The following C11orf65 variants were observed in gnomAD, a reference collection of about 807,000 sequenced individuals.
C11orf65 encodes the protein protein MFI.
A neutral mutation model predicts 35.3 loss-of-function variants in C11orf65; 38 were observed. The observed-to-expected ratio is 1.08, with a 90% confidence interval of 0.83 to 1.41. The LOEUF (loss-of-function observed/expected upper bound fraction) is 1.41. C11orf65 is among the 40% of genes most tolerant of loss of function. The pLI, the probability that C11orf65 is intolerant of heterozygous loss-of-function variation, is 0.00. For missense variants in C11orf65, 370 were observed against 367.1 expected (o/e 1.01, Z -0.06); for synonymous variants, 105 against 114.4 (o/e 0.92, Z 0.53).
At chr11:108,359,176 A>G (rs1202938865) in intron 2 of C11orf65, among the ~76,000 whole-genome samples, 3 of 151,452 alleles carry the variant, frequency 2.0e-5, no homozygotes, top group East Asian at 3.9e-4. Flanking sequence ...CTTTAAACCA[A>G]CAAAGATCAA....
intron 2 of C11orf65, among the ~76,000 whole-genome samples, chr11:108,435,742 T>A (rs76028437): frequency 0.011 from 1,681 of 152,128 alleles, 28 homozygotes; most frequent in African/African-American, 0.038. Context: ...ATATAAATAT[T>A]AGCCATTTTT....
At position 108,335,098 on chromosome 11, in the gene C11orf65, C is replaced by T. The variant is rs1060501695; in HGVS notation, c.299+122G>A. On this transcript the variant is annotated intron_variant, in intron 3 of 3. Coordinates refer to the C11orf65 transcript ENST00000524755. Reference sequence around the variant, plus strand: ...AGGTTCCGATGGCAAGGAGAGGAGACAGCTTGTTAAGGTGAGCCTTCCCTT... The same window carrying T: ...AGGTTCCGATGGCAAGGAGAGGAGATAGCTTGTTAAGGTGAGCCTTCCCTT... The T allele has an allele frequency of 6.2e-7, 1 of 1,614,014 alleles. No homozygotes were observed. The highest frequency in any genetic ancestry group is 8.5e-7 in the Non-Finnish European group (1 of 1,179,962).
intron 2 of C11orf65, among the ~76,000 whole-genome samples, chr11:108,454,642 T>C (rs949328445): frequency 6.6e-5 from 10 of 152,062 alleles, no homozygotes; most frequent in Non-Finnish European, 1.2e-4. Context: ...TATTTACTTT[T>C]AGAGATGTAG....
intron 2 of C11orf65, among the ~76,000 whole-genome samples, chr11:108,373,821 C>T (rs996479543): frequency 1.5e-4 from 23 of 152,226 alleles, no homozygotes; most frequent in African/African-American, 2.2e-4. Context: ...CACTCCCACC[C>T]GAATACTGCG....
In C11orf65 at chr11:108,365,362, G is replaced by A. The variant is rs2137909162; in HGVS notation, c.226+27846C>T. 1 of 1,614,140 alleles carries A rather than the reference G, an allele frequency of 6.2e-7. No homozygotes were observed. The highest frequency in any genetic ancestry group is 8.5e-7 in the Non-Finnish European group (1 of 1,180,030). On this transcript the variant is annotated intron_variant, in intron 2 of 3. Transcript: ENST00000524755. ...GAGTTTCAACAAAGTAGCTGAACGT[G>A]TCTTAATGAGACTACAAGAGAAACT... is the stretch of plus-strand genomic sequence containing the variant.
At chr11:108,387,184 C>T (rs1285194619) in intron 7 of C11orf65, among the ~76,000 whole-genome samples, 26 of 105,488 alleles carry the variant, frequency 2.5e-4, no homozygotes, top group Middle Eastern at 0.013. Flanking sequence ...GACAAAATCT[C>T]GCTCTTGTGC....
At chr11:108,357,633 G>C (rs2090161908) in intron 2 of C11orf65, among the ~76,000 whole-genome samples, 1 of 152,060 alleles carries the variant, frequency 6.6e-6, no homozygotes, top group Non-Finnish European at 1.5e-5. Flanking sequence ...GTGGGTTCCT[G>C]ACCCCTGACC....
intron 6 of C11orf65, among the ~76,000 whole-genome samples, chr11:108,403,497 T>C (rs971536824): frequency 6.6e-5 from 10 of 150,540 alleles, no homozygotes; most frequent in African/African-American, 2.4e-4. Flanking sequence ...TCCCGGTCTA[T>C]GGCTTTTAAT....
chr11:108,327,391 G>A (rs2136364192), downstream of C11orf65: 1 of 427,468 alleles, frequency 2.3e-6, no homozygotes, highest in East Asian at 4.8e-5. Context: ...TTTACAAAGT[G>A]TCTGACATAT....
At chr11:108,456,290 G>A (rs143180775) in intron 2 of C11orf65, among the ~76,000 whole-genome samples, 4 of 152,116 alleles carry the variant, frequency 2.6e-5, no homozygotes, top group Non-Finnish European at 5.9e-5. Context: ...ATTTTCAAAG[G>A]TATTTGATCA....
intron 3 of C11orf65, among the ~76,000 whole-genome samples, chr11:108,428,864 C>G (rs2092946194): frequency 6.6e-6 from 1 of 151,936 alleles, no homozygotes; most frequent in South Asian, 2.1e-4. Context: ...CAAAAAACAC[C>G]AGCTTGGTGT....
intron 2 of C11orf65, chr11:108,367,464 GTCA>G (rs1210749716): frequency 4.9e-6 from 1 of 202,718 alleles, no homozygotes; most frequent in Non-Finnish European, 1.0e-5. Context: ...TCCCCCAGCT[GTCA>G]TCATATAAGA....
Position 108,333,035 on chromosome 11 carries a change from G to A in C11orf65, c.300-1468C>T, listed in dbSNP as rs1040253074. On this transcript the variant is annotated intron_variant, in intron 3 of 3. Transcript: ENST00000524755. ...TCCAAAAGCTTAATTTATATCTGATGGCTTCAGCATTCCCTGGTTACTTTT... is the reference window on the plus strand; with the variant it reads ...TCCAAAAGCTTAATTTATATCTGATAGCTTCAGCATTCCCTGGTTACTTTT... The A allele has an allele frequency of 3.6e-6, 4 of 1,121,032 alleles. No individual in the cohort carries two copies. In the African/African-American group the frequency reaches 6.3e-5, roughly 18 times the overall value. The allele number at this position is 1,121,032 out of a possible 1,614,324, so 69.4% of individuals were successfully genotyped here. A position where few individuals can be genotyped will look rare whatever the true frequency, so the allele number is the denominator to read the frequency against.
chr11:108,397,204 C>T (rs1366473038), intron 6 of C11orf65, among the ~76,000 whole-genome samples: 2 of 151,524 alleles, frequency 1.3e-5, no homozygotes, highest in African/African-American at 4.8e-5. Context: ...AGCTATAGTC[C>T]CAGGCACTCA....
chr11:108,390,570 A>T (rs560956126), intron 7 of C11orf65, among the ~76,000 whole-genome samples: 1 of 152,318 alleles, frequency 6.6e-6, no homozygotes, highest in African/African-American at 2.4e-5. Flanking sequence ...GCAGGATTTC[A>T]AAAGCTCACC....
intron 3 of C11orf65, among the ~76,000 whole-genome samples, chr11:108,430,782 C>A (rs1485020491): frequency 6.6e-6 from 1 of 151,812 alleles, no homozygotes; most frequent in Non-Finnish European, 1.5e-5. Flanking sequence ...GAGGTTAACG[C>A]TGCAGTGAGC....
exon 3 of C11orf65, chr11:108,335,247 T>G: frequency 6.5e-7 from 1 of 1,540,202 alleles, no homozygotes; most frequent in Non-Finnish European, 8.7e-7. Context: ...AGAGTAGAAA[T>G]GCATTATTTT....
At chr11:108,312,115 T>C (rs1007968708) in intron 6 of C11orf65, among the ~76,000 whole-genome samples, 6 of 152,226 alleles carry the variant, frequency 3.9e-5, no homozygotes, top group African/African-American at 1.4e-4. Context: ...ACAGAGTATA[T>C]AGTACCTGAA....
chr11:108,328,076 C>T (rs2085863002), downstream of C11orf65, among the ~76,000 whole-genome samples: 1 of 152,142 alleles, frequency 6.6e-6, no homozygotes, highest in African/African-American at 2.4e-5. Flanking sequence ...TAAGAATAGG[C>T]AAGTCAGCCC....
Sources: allele counts gnomAD v4.1 joint callset (sites outside exome capture counted in the v4.1 genomes callset), GRCh38; gene constraint gnomAD v4.1.1; transcripts MANE v1.5; gene names NCBI Gene and HGNC (gene_info 2026-07-23, HGNC 2026-07-21).